Variants in PSD3 observed in about 807,000 individuals in gnomAD.
PSD3 encodes the protein pleckstrin and Sec7 domain containing 3, also known as PH and SEC7 domain-containing protein 3.
Under a neutral mutation model 105.5 loss-of-function variants are expected in PSD3, and 49 were observed. The ratio of observed to expected loss-of-function variants is 0.46; its 90% CI spans 0.37 to 0.59. PSD3 has a LOEUF of 0.59. Among genes scored for constraint, PSD3 ranks in the 20% least tolerant of loss-of-function variants. The probability of loss-of-function intolerance (pLI) is 0.00; values close to 1 mark genes in which losing one functional copy is unlikely to be tolerated. For missense variants in PSD3, 1,561 were observed against 1,263.8 expected (o/e 1.24, Z -3.57); for synonymous variants, 557 against 457.8 (o/e 1.22, Z -2.77).
chr8:18,589,067 G>A (rs957331054), intron 12 of PSD3, among the ~76,000 whole-genome samples: 8 of 152,188 alleles, frequency 5.3e-5, no homozygotes, highest in Non-Finnish European at 1.2e-4. Flanking sequence ...TGTGATATGT[G>A]AAATTTAATT....
Position 18,872,307 on chromosome 8 carries a change from G to A in PSD3, c.557C>T (p.Thr186Met), listed in dbSNP as rs7016219. ...ASRKTQRVNK[T>M]LPAGQKNLPE... ...TAAATTTTTTTGGCCAGCAGGGAGC[G>A]TTTTGTTGACTCTCTGTGTTTTACG... Residue 186 changes from threonine (T) to methionine (M), a missense_variant, in exon 3 of 16, where the codon ACG (threonine) becomes ATG (methionine). Coordinates refer to ENST00000327040, the MANE Select transcript of PSD3 (RefSeq NM_015310.4). The A allele has an allele frequency of 0.72, 1,169,812 of 1,613,582 alleles. 429,951 individuals carry two copies. The highest frequency in any genetic ancestry group is 0.99 in the East Asian group (44,329 of 44,866).
chr8:18,964,286 ATTGTT>A (rs1824111129), intron 1 of PSD3, among the ~76,000 whole-genome samples: 1 of 152,056 alleles, frequency 6.6e-6, no homozygotes, highest in African/African-American at 2.4e-5. Context: ...TGCCTGGCTA[ATTGTT>A]TTAACTTTTT....
At chr8:19,030,767 A>AT (rs1160634218) in intron 1 of PSD3, among the ~76,000 whole-genome samples, 1 of 152,078 alleles carries the variant, frequency 6.6e-6, no homozygotes, top group Non-Finnish European at 1.5e-5. Context: ...CTTAATTTCT[A>AT]ACCTTCTACC....
rs185231904 is a variant in PSD3 at position 18,669,267 on chromosome 8, G to A, written c.2173-13582C>T. Among the ~76,000 whole-genome samples, 18 of 152,276 alleles carry A rather than the reference G, an allele frequency of 1.2e-4. No individual in the cohort carries two copies. In the East Asian group the frequency reaches 3.3e-3, roughly 28 times the overall value. ...ATACAGTAGTCTCCCGATCCTTGGGGGAATATGTTCCAAGGCTCCCAGTGG... is the reference window on the plus strand; with the variant it reads ...ATACAGTAGTCTCCCGATCCTTGGGAGAATATGTTCCAAGGCTCCCAGTGG... On this transcript the variant is annotated intron_variant, in intron 9 of 15. Coordinates refer to ENST00000327040, the MANE Select transcript of PSD3 (RefSeq NM_015310.4).
intron 15 of PSD3, among the ~76,000 whole-genome samples, chr8:18,540,370 G>C (rs896885564): frequency 2.8e-4 from 43 of 152,094 alleles, no homozygotes; most frequent in African/African-American, 8.0e-4. Flanking sequence ...CAATACTCTG[G>C]AACTGAACCT....
intron 14 of PSD3, among the ~76,000 whole-genome samples, chr8:18,560,994 C>G (rs751629621): frequency 6.6e-6 from 1 of 152,120 alleles, no homozygotes; most frequent in Non-Finnish European, 1.5e-5. Context: ...TTTATCCTCA[C>G]AAATGCTGTC....
At position 18,867,985 on chromosome 8, in the gene PSD3, G is replaced by A. The variant is rs750129405; in HGVS notation, c.1323C>T (p.Tyr441=). Residue 441 remains tyrosine (Y), a synonymous_variant, in exon 4 of 16, where the codon TAC becomes TAT. Coordinates refer to ENST00000327040, the MANE Select transcript of PSD3 (RefSeq NM_015310.4). The part of the protein sequence containing the change: ...PGYTEDSTDV[Y]SSQFETILDN... The stretch of plus-strand genomic sequence containing the variant: ...CCAAAATGGTTTCAAACTGGGAGCT[G>A]TACACGTCGGTGGAGTCCTCCGTAT... The A allele has an allele frequency of 3.1e-6, 5 of 1,614,176 alleles. No homozygotes were observed. The highest frequency in any genetic ancestry group is 4.2e-6 in the Non-Finnish European group (5 of 1,180,008).
intron 14 of PSD3, among the ~76,000 whole-genome samples, chr8:18,568,706 C>CT (rs10592904): frequency 1.1e-4 from 16 of 150,664 alleles, no homozygotes; most frequent in Admixed American, 2.6e-4. Flanking sequence ...CCTTCTTCTT[C>CT]TTTTTTTTTT....
chr8:18,654,266 A>G (rs1408713364), intron 10 of PSD3, among the ~76,000 whole-genome samples: 1 of 152,306 alleles, frequency 6.6e-6, no homozygotes, highest in East Asian at 1.9e-4. Context: ...ATTCCTGCAC[A>G]TTATATGTAA....
intron 11 of PSD3, among the ~76,000 whole-genome samples, chr8:18,622,268 C>A (rs1806167452): frequency 6.6e-6 from 1 of 152,218 alleles, no homozygotes; most frequent in African/African-American, 2.4e-5. Context: ...TATGTCCACA[C>A]AATTAGCCTC....
Position 18,867,666 on chromosome 8 carries a change from A to T in PSD3, c.1634+8T>A, listed in dbSNP as rs1176294708. 1.2e-6 allele frequency: 2 copies of T among 1,602,092 alleles called. No homozygotes were observed. Among genetic ancestry groups the T allele is most frequent in the Non-Finnish European group, 8.5e-7 (1 of 1,173,232 alleles). The stretch of plus-strand genomic sequence containing the variant: ...CCAGCATGAAATGAATGAGAATGGG[A>T]CGAGTACCTTCCCCAGAAAGCAATC... On this transcript the variant is annotated splice_region_variant and intron_variant, in intron 4 of 15. Transcript: ENST00000327040.
intron 10 of PSD3, among the ~76,000 whole-genome samples, chr8:18,647,920 T>TCC (rs1193857183): frequency 6.6e-6 from 1 of 152,124 alleles, no homozygotes; most frequent in Non-Finnish European, 1.5e-5. Flanking sequence ...AAGTGCCAGC[T>TCC]CCCCCTTCAC....
chr8:18,776,105 C>A (rs1808045275), intron 8 of PSD3, among the ~76,000 whole-genome samples: 4 of 151,820 alleles, frequency 2.6e-5, no homozygotes, highest in Admixed American at 2.6e-4. Context: ...AAGAAACTCC[C>A]CATTCCTCAA....
intron 10 of PSD3, among the ~76,000 whole-genome samples, chr8:18,641,624 C>T (rs1807648380): frequency 6.6e-6 from 1 of 152,118 alleles, no homozygotes; most frequent in South Asian, 2.1e-4. Context: ...AAGTTACAAA[C>T]ATTGGTGTAG....
At chr8:18,818,672 G>A (rs1812426901) in intron 4 of PSD3, among the ~76,000 whole-genome samples, 1 of 148,164 alleles carries the variant, frequency 6.7e-6, no homozygotes, top group South Asian at 2.1e-4. Flanking sequence ...AGTGAATAAT[G>A]TCCTCTCCAT....
chr8:18,766,195 G>A (rs9792305), intron 8 of PSD3, among the ~76,000 whole-genome samples: 8,330 of 150,972 alleles, frequency 0.055, 477 homozygotes, highest in East Asian at 0.22. Flanking sequence ...TTAGCCAGGC[G>A]TGGTGGCAGG....
intron 2 of PSD3, among the ~76,000 whole-genome samples, chr8:18,905,635 T>G (rs985302961): frequency 1.3e-5 from 2 of 152,226 alleles, no homozygotes. Flanking sequence ...TCTTTTATTC[T>G]GAAAACATAT....
intron 1 of PSD3, among the ~76,000 whole-genome samples, chr8:18,963,792 A>G (rs1824075726): frequency 6.6e-6 from 1 of 152,218 alleles, no homozygotes; most frequent in Admixed American, 6.5e-5. Flanking sequence ...TAGACACCAC[A>G]TTATCGAAAC....
intron 2 of PSD3, among the ~76,000 whole-genome samples, chr8:18,913,068 AACACACACACACACACAAACACACAC>A (rs1820343333): frequency 8.8e-6 from 1 of 113,182 alleles, no homozygotes; most frequent in Non-Finnish European, 1.9e-5. Flanking sequence ...CAACTTTATA[AACACACACACACACACAAACACACAC>A]ACACACACAC....
Sources: allele counts gnomAD v4.1 joint callset (sites outside exome capture counted in the v4.1 genomes callset), GRCh38; gene constraint gnomAD v4.1.1; transcripts MANE v1.5; gene names NCBI Gene and HGNC (gene_info 2026-07-23, HGNC 2026-07-21).